SYN1: variants seen among roughly 807,000 people sequenced by gnomAD.
SYN1 encodes synapsin-1.
A neutral mutation model predicts 44.6 loss-of-function variants in SYN1; 8 were observed. The ratio of observed to expected loss-of-function variants is 0.18; its 90% CI spans 0.11 to 0.32. SYN1 has a LOEUF of 0.32. Among genes scored for constraint, SYN1 ranks in the 10% least tolerant of loss-of-function variants. SYN1 has a pLI of 1.00. For synonymous variants in SYN1, 275 were observed against 280.1 expected (o/e 0.98, Z 0.18); for missense variants, 451 against 639.4 (o/e 0.71, Z 3.18).
intron 5 of SYN1, chrX:47,584,805 G>T (rs1344812568): frequency 1.9e-6 from 1 of 517,431 alleles, no homozygotes; most frequent in Non-Finnish European, 3.2e-6. Context: ...AAATCACTTT[G>T]TGTGCTGTCT....
intron 5 of SYN1, among the ~76,000 whole-genome samples, chrX:47,594,726 TTTC>T (rs1379551542): frequency 1.1e-5 from 1 of 92,139 alleles, no homozygotes; most frequent in African/African-American, 3.6e-5. Context: ...TTTCTTTTCT[TTTC>T]TTTTTTTTTT....
intron 5 of SYN1, among the ~76,000 whole-genome samples, chrX:47,589,403 C>T (rs1464114376): frequency 1.9e-5 from 2 of 107,181 alleles, no homozygotes. Context: ...ACCATCCTGG[C>T]TAACAAGGTG....
intron 5 of SYN1, chrX:47,585,708 CG>C (rs1569326146): frequency 8.3e-7 from 1 of 1,203,547 alleles, no homozygotes; most frequent in East Asian, 3.0e-5. Flanking sequence ...AGATCCTTCC[CG>C]GGGCCATTCC....
rs953869006 is a variant in SYN1 at position 47,577,150 on chromosome X, TAC to T, written c.837+287_837+288del. The stretch of plus-strand genomic sequence containing the variant: ...TGTGTGTTCGGCACAGGCATGCATG[TAC>T]ACACAGACACGATGCTGGAGACAAG... On this transcript the variant is annotated intron_variant, in intron 6 of 12. Coordinates refer to ENST00000295987, the MANE Select transcript of SYN1 (RefSeq NM_006950.3). Among the ~76,000 whole-genome samples the T allele has an allele frequency of 3.6e-5, 4 of 110,778 alleles. No individual in the cohort carries two copies. The Admixed American group carries it at 3.8e-4, about 11-fold the overall frequency.
rs1449578745 is a variant in SYN1 at position 47,606,749 on chromosome X, A to ATTTTT, written c.527+195_527+196insAAAAA. 5.3e-3 allele frequency among the ~76,000 whole-genome samples: 525 copies of ATTTTT among 98,918 alleles called. 11 individuals are homozygous for ATTTTT. Among genetic ancestry groups the ATTTTT allele is most frequent in the African/African-American group, 0.02 (497 of 24,439 alleles). The allele number at this position is 98,918 out of a possible 115,157, so 85.9% of individuals were successfully genotyped here. A position where few individuals can be genotyped will look rare whatever the true frequency, so the allele number is the denominator to read the frequency against. The stretch of plus-strand genomic sequence containing the variant: ...GTCTGAAATATATATATATATATAT[A>ATTTTT]TATTTTTTTTTAAAGTCTGACTTGT... On this transcript the variant is annotated intron_variant, in intron 3 of 12. Coordinates refer to ENST00000295987, the MANE Select transcript of SYN1 (RefSeq NM_006950.3).
chrX:47,607,213 C>G lies in SYN1; in HGVS notation c.378-15G>C. The G allele has an allele frequency of 8.3e-7, 1 of 1,205,020 alleles. No homozygotes were observed. The highest frequency in any genetic ancestry group is 1.8e-5 in the South Asian group (1 of 56,765). On this transcript the variant is annotated splice_polypyrimidine_tract_variant and intron_variant, in intron 1 of 12. Coordinates refer to ENST00000295987, the MANE Select transcript of SYN1 (RefSeq NM_006950.3). ...AGTATTTTGCCCTGGAGAGGAAAAACAACACATCTGTCAATGATGAAATCT... is the reference window on the plus strand; with the variant it reads ...AGTATTTTGCCCTGGAGAGGAAAAAGAACACATCTGTCAATGATGAAATCT...
At chrX:47,611,859 CCAAAGAATAGAG>C (rs111775755) in intron 1 of SYN1, among the ~76,000 whole-genome samples, 33,410 of 110,313 alleles carry the variant, frequency 0.3, 3,805 homozygotes, top group Admixed American at 0.33. Flanking sequence ...GACAGCCCCT[CCAAAGAATAGAG>C]CAAAGCATTG....
At chrX:47,578,615 AG>A (rs2057785343) in intron 5 of SYN1, among the ~76,000 whole-genome samples, 1 of 111,631 alleles carries the variant, frequency 9.0e-6, no homozygotes, top group Non-Finnish European at 1.9e-5. Flanking sequence ...TTCAGGCGAG[AG>A]GGATACCTCA....
At chrX:47,585,388 AGCAACCACGAGGGGGCGAGGCT>A (rs752630595) in intron 5 of SYN1, 36 of 1,202,635 alleles carry the variant, frequency 3.0e-5, no homozygotes, top group Non-Finnish European at 4.0e-5. Flanking sequence ...GGCGCGGCCT[AGCAACCACGAGGGGGCGAGGCT>A]CTGATGGGAA....
At position 47,619,675 on chromosome X, in the gene SYN1, T is replaced by C. The variant is rs766282407; in HGVS notation, c.54A>G (p.Pro18=). ...GCTGCAGGTCTGTCATGTACCCATTTGGCAGATTGGCCATAAAGTTGCTGT... is the reference window on the plus strand; with the variant it reads ...GCTGCAGGTCTGTCATGTACCCATTCGGCAGATTGGCCATAAAGTTGCTGT... The part of the protein sequence containing the change: ...LSDSNFMANL[P]NGYMTDLQRP... The change falls in exon 1 of 13, where the codon CCA becomes CCG. Residue 18 remains proline (P), a synonymous_variant. Coordinates refer to ENST00000295987, the MANE Select transcript of SYN1 (RefSeq NM_006950.3). 17 of 1,169,490 alleles carry C rather than the reference T, an allele frequency of 1.5e-5. No individual in the cohort carries two copies. In the South Asian group the frequency reaches 2.8e-4, roughly 20 times the overall value.
chrX:47,586,241 T>C (rs894345460), intron 5 of SYN1: 1 of 749,903 alleles, frequency 1.3e-6, no homozygotes, highest in Non-Finnish European at 1.6e-6. Flanking sequence ...TGCCAGTTTT[T>C]CCCTGTCCTT....
Position 47,576,026 on chromosome X carries a change from T to C in SYN1, c.1158+105A>G, listed in dbSNP as rs1054018896. The C allele has an allele frequency of 3.0e-5, 25 of 830,792 alleles. No homozygotes were observed. In the African/African-American group the frequency reaches 4.7e-4, roughly 15 times the overall value. 68.5% of individuals were successfully genotyped at this position (830,792 alleles called of 1,213,427 possible). On this transcript the variant is annotated intron_variant, in intron 9 of 12. Coordinates refer to ENST00000295987, the MANE Select transcript of SYN1 (RefSeq NM_006950.3). ...GGCACCTTACAGTGTACTAAGCACA[T>C]TGCTGTTGGCTGAGGACCTCTGTGC...
At chrX:47,584,117 A>G (rs1010495379) in intron 5 of SYN1, among the ~76,000 whole-genome samples, 1 of 111,674 alleles carries the variant, frequency 9.0e-6, no homozygotes, top group Non-Finnish European at 1.9e-5. Context: ...ACGTAACAGG[A>G]TTCTTGCTGA....
At chrX:47,597,576 C>T (rs1433418905) in intron 5 of SYN1, among the ~76,000 whole-genome samples, 4 of 109,256 alleles carry the variant, frequency 3.7e-5, no homozygotes, top group African/African-American at 1.3e-4. Context: ...AATGGAAGTC[C>T]CAAAAGGAGA....
intron 5 of SYN1, chrX:47,604,739 G>A: frequency 2.5e-6 from 1 of 405,883 alleles, no homozygotes; most frequent in Non-Finnish European, 4.3e-6. Context: ...TTTAATACTG[G>A]CAAAAATAGA....
At chrX:47,606,188 C>T (rs376032656) in intron 3 of SYN1, among the ~76,000 whole-genome samples, 5 of 111,526 alleles carry the variant, frequency 4.5e-5, no homozygotes, top group Non-Finnish European at 7.5e-5. Flanking sequence ...CCACCACATC[C>T]GGCCACTGTT....
At chrX:47,585,772 C>G in intron 5 of SYN1, 1 of 1,165,992 alleles carries the variant, frequency 8.6e-7, no homozygotes, top group Non-Finnish European at 1.1e-6. Context: ...GTCCCTGTGG[C>G]TGCTCCCCAA....
chrX:47,596,964 G>A (rs1407863483), intron 5 of SYN1, among the ~76,000 whole-genome samples: 1 of 112,186 alleles, frequency 8.9e-6, no homozygotes, highest in Non-Finnish European at 1.9e-5. Flanking sequence ...AGGAAACTAT[G>A]TTTAAAGAAC....
chrX:47,610,148 AC>A (rs1184008974), intron 1 of SYN1, among the ~76,000 whole-genome samples: 8 of 111,696 alleles, frequency 7.2e-5, no homozygotes, highest in Non-Finnish European at 7.5e-5. Flanking sequence ...CAGAGGGCAG[AC>A]AGAAGGGAGG....
Sources: gnomAD v4.1 joint callset for allele counts (sites outside exome capture counted in the v4.1 genomes callset) on GRCh38, gnomAD v4.1.1 for gene constraint, MANE v1.5 for transcripts, NCBI Gene and HGNC (gene_info 2026-07-23, HGNC 2026-07-21) for gene names.